The following PWWP3B variants were observed in gnomAD, a reference collection of about 807,000 sequenced individuals.
PWWP3B encodes PWWP domain-containing DNA repair factor 3B.
A neutral mutation model predicts 15.7 loss-of-function variants in PWWP3B; 5 were observed. That is an observed-to-expected ratio of 0.32 (90% confidence interval 0.17 to 0.67). The LOEUF (loss-of-function observed/expected upper bound fraction) is 0.67. Among genes scored for constraint, PWWP3B ranks in the 30% least tolerant of loss-of-function variants. The pLI is 0.74. For synonymous variants in PWWP3B, 203 were observed against 179.8 expected (o/e 1.13, Z -1.03); for missense variants, 519 against 493.1 (o/e 1.05, Z -0.50).
At position 106,179,190 on chromosome X, in the gene PWWP3B, A is replaced by G. The variant is rs150437597; in HGVS notation, c.-401+8051A>G. ...GTGTGATTCAAATTCCACTCAAAAA[A>G]TTGTATATGTCTAAAAGAAAAACCC... On this transcript the variant is annotated intron_variant, in intron 2 of 3. Transcript: ENST00000357175. 5.3e-3 allele frequency among the ~76,000 whole-genome samples: 598 copies of G among 112,248 alleles called. 4 individuals are homozygous for G. Among genetic ancestry groups the G allele is most frequent in the African/African-American group, 0.019 (575 of 30,925 alleles).
At chrX:106,190,702 A>G (rs1245206887) in intron 2 of PWWP3B, among the ~76,000 whole-genome samples, 1 of 111,906 alleles carries the variant, frequency 8.9e-6, no homozygotes, top group Non-Finnish European at 1.9e-5. Flanking sequence ...TCTTTAATCC[A>G]TCTTGAATTA....
At position 106,205,217 on chromosome X, in the gene PWWP3B, A is replaced by T. The variant is rs1602874021; in HGVS notation, c.-214-2A>T. The T allele has an allele frequency of 1.8e-4, 57 of 323,470 alleles. No individual in the cohort carries two copies. In the East Asian group the frequency reaches 2.5e-3, roughly 14 times the overall value. The allele number at this position is 323,470 out of a possible 1,213,427, so 26.7% of individuals were successfully genotyped here. ...TTCTTCTTTTCCTTTTCCCTGTTTC[A>T]GTATCTTCCGGTATCATCCTATTCA... On this transcript the variant is annotated splice_acceptor_variant, in intron 3 of 3. Coordinates refer to ENST00000357175, the MANE Select transcript of PWWP3B (RefSeq NM_001171020.2). LOFTEE classifies it low-confidence loss of function (5UTR_SPLICE).
At position 106,207,201 on chromosome X, in the gene PWWP3B, A is replaced by G; in HGVS notation, c.1769A>G (p.Asn590Ser). The G allele has an allele frequency of 8.3e-7, 1 of 1,208,554 alleles. No homozygotes were observed. Among genetic ancestry groups the G allele is most frequent in the African/African-American group, 1.7e-5 (1 of 57,902 alleles). ...TGGCTGAAATCATTTTTGAATGCAA[A>G]TAGGTTCACACCCTGTATTGAAACA... ...SRWLKSFLNA[N>S]RFTPCIETYF... The change falls in exon 4 of 4, where the codon AAT becomes AGT. Residue 590 changes from asparagine (N) to serine (S), a missense_variant. Coordinates refer to ENST00000357175, the MANE Select transcript of PWWP3B (RefSeq NM_001171020.2).
At chrX:106,171,337 T>C (rs1172325008) in intron 2 of PWWP3B, among the ~76,000 whole-genome samples, 198 bp downstream of exon 2, 3 of 111,835 alleles carry the variant, frequency 2.7e-5, no homozygotes, top group Non-Finnish European at 5.6e-5. Context: ...GCTATCATGT[T>C]TGTAATTAAA....
rs1569368779 is a variant in PWWP3B, at chrX:106,207,495, G to A, written c.2063G>A (p.Arg688Gln). The A allele has an allele frequency of 4.4e-6, 5 of 1,145,434 alleles. No homozygotes were observed. Among genetic ancestry groups the A allele is most frequent in the African/African-American group, 3.6e-5 (2 of 55,025 alleles). The allele number at this position is 1,145,434 out of a possible 1,213,427, so 94.4% of individuals were successfully genotyped here. Residue 688 changes from arginine to glutamine, a missense_variant, in exon 4 of 4, where the codon CGA becomes CAA. Transcript: ENST00000357175. ...GCAAAAATAATATATGAAAAGAGAC[G>A]AAAAGCACCAACAAATGAAGCTCAC... is the stretch of plus-strand genomic sequence containing the variant. ...FDAKIIYEKRRKAPTNEAH is the reference protein window; with the variant it reads ...FDAKIIYEKRQKAPTNEAH
chrX:106,193,249 A>G (rs1482943045), intron 2 of PWWP3B, among the ~76,000 whole-genome samples: 2 of 111,324 alleles, frequency 1.8e-5, no homozygotes, highest in African/African-American at 6.5e-5. Context: ...TATATTTAGG[A>G]TAGTTAGCTC....
intron 2 of PWWP3B, among the ~76,000 whole-genome samples, chrX:106,193,368 CT>C (rs1002807291): frequency 9.0e-6 from 1 of 111,134 alleles, no homozygotes; most frequent in Non-Finnish European, 1.9e-5. Flanking sequence ...CAATCCCTGC[CT>C]TTTTTTGTTT....
At chrX:106,180,053 G>A (rs188006482) in intron 2 of PWWP3B, among the ~76,000 whole-genome samples, 1 of 111,459 alleles carries the variant, frequency 9.0e-6, no homozygotes, top group Admixed American at 9.5e-5. Flanking sequence ...TAAGAAGGTC[G>A]TTGTTGTCTG....
rs181429856 is a variant in PWWP3B at position 106,205,167 on chromosome X, G to A, written c.-214-52G>A. On this transcript the variant is annotated intron_variant, in intron 3 of 3. Transcript: ENST00000357175. The stretch of plus-strand genomic sequence containing the variant: ...GTAATTGCTCACCTCCCGTTTTGGC[G>A]AAATAATCGTATTTGCTGATACTTT... 1.8e-3 allele frequency: 462 copies of A among 261,122 alleles called. 4 individuals are homozygous for A. The East Asian group carries it at 0.019, about 11-fold the overall frequency. The allele number at this position is 261,122 out of a possible 1,213,427, so 21.5% of individuals were successfully genotyped here. A position where few individuals can be genotyped will look rare whatever the true frequency, so the allele number is the denominator to read the frequency against.
intron 2 of PWWP3B, among the ~76,000 whole-genome samples, chrX:106,197,397 G>A (rs1292401898): frequency 9.0e-6 from 1 of 111,432 alleles, no homozygotes; most frequent in African/African-American, 3.3e-5. Flanking sequence ...AGAAGCAAGG[G>A]ATTTTTGCCT....
At position 106,205,365 on chromosome X, in the gene PWWP3B, A is replaced by T. The variant is rs754916111; in HGVS notation, c.-68A>T. On this transcript the variant is annotated 5_prime_UTR_variant, in exon 4 of 4. Coordinates refer to ENST00000357175, the MANE Select transcript of PWWP3B (RefSeq NM_001171020.2). Reference sequence around the variant, plus strand: ...GAGTATTGTTTTGGGTAGAACTTGCATTAGCAGTGACAAAGATAGCCACCT... The same window carrying T: ...GAGTATTGTTTTGGGTAGAACTTGCTTTAGCAGTGACAAAGATAGCCACCT... 4 of 985,500 alleles carry T rather than the reference A, an allele frequency of 4.1e-6. No homozygotes were observed. In the African/African-American group the frequency reaches 7.9e-5, roughly 19 times the overall value. 81.2% of individuals were successfully genotyped at this position (985,500 alleles called of 1,213,427 possible). A position where few individuals can be genotyped will look rare whatever the true frequency, so the allele number is the denominator to read the frequency against.
chrX:106,176,119 A>C (rs148518566), intron 2 of PWWP3B, among the ~76,000 whole-genome samples: 1,745 of 110,466 alleles, frequency 0.016, 31 homozygotes, highest in African/African-American at 0.054. Context: ...TTTGAGATGG[A>C]GTCTTATTCT....
At chrX:106,203,445 TAGTG>T (rs1300776805) in intron 2 of PWWP3B, among the ~76,000 whole-genome samples, 35 of 111,791 alleles carry the variant, frequency 3.1e-4, no homozygotes, top group African/African-American at 1.1e-3. Context: ...CTACATCTGA[TAGTG>T]AGTGAAGTCC....
At chrX:106,189,653 T>A (rs1464088529) in intron 2 of PWWP3B, among the ~76,000 whole-genome samples, 1 of 101,434 alleles carries the variant, frequency 9.9e-6, no homozygotes, top group Non-Finnish European at 2.0e-5. Context: ...AGTCTCGCTC[T>A]GTCGCCCAGG....
At chrX:106,176,068 T>A (rs1296659729) in intron 2 of PWWP3B, among the ~76,000 whole-genome samples, 1 of 110,865 alleles carries the variant, frequency 9.0e-6, no homozygotes, top group African/African-American at 3.3e-5. Context: ...ATTGTGAGAA[T>A]CAAATGGGCT....
chrX:106,190,163 G>A (rs752838490), intron 2 of PWWP3B, among the ~76,000 whole-genome samples: 2 of 111,389 alleles, frequency 1.8e-5, no homozygotes, highest in East Asian at 5.7e-4. Context: ...CCCACCAACA[G>A]TGTAAAAGTG....
intron 2 of PWWP3B, among the ~76,000 whole-genome samples, chrX:106,174,670 C>T (rs772400035): frequency 8.9e-6 from 1 of 111,832 alleles, no homozygotes; most frequent in Non-Finnish European, 1.9e-5. Flanking sequence ...GAAGCTGCTG[C>T]CAGGCCCCTA....
chrX:106,193,257 C>T (rs1923124599), intron 2 of PWWP3B, among the ~76,000 whole-genome samples: 1 of 111,448 alleles, frequency 9.0e-6, no homozygotes, highest in African/African-American at 3.3e-5. Context: ...GGATAGTTAG[C>T]TCTTCTTGTT....
intron 2 of PWWP3B, among the ~76,000 whole-genome samples, chrX:106,189,616 T>C (rs1396583311): frequency 2.1e-4 from 21 of 100,526 alleles, no homozygotes; most frequent in African/African-American, 4.0e-4. Context: ...CATTTTCTTT[T>C]TTTTTTTTTT....
Sources: gnomAD v4.1 joint callset for allele counts (sites outside exome capture counted in the v4.1 genomes callset) on GRCh38, gnomAD v4.1.1 for gene constraint, MANE v1.5 for transcripts, NCBI Gene and HGNC (gene_info 2026-07-23, HGNC 2026-07-21) for gene names.